SMYD3: variants seen among roughly 807,000 people sequenced by gnomAD.
SMYD3 encodes the protein SET and MYND domain containing 3.
In SMYD3, 36 loss-of-function variants were observed where a neutral mutation model predicts 57.7. That is an observed-to-expected ratio of 0.62 (90% CI 0.48 to 0.82). The LOEUF is 0.82. Ranked by LOEUF, SMYD3 falls within the 40% of genes least tolerant of loss-of-function variation. SMYD3 has a pLI of 0.00. For synonymous variants in SMYD3, 211 were observed against 195.0 expected, an observed-to-expected ratio of 1.08 and a Z score of -0.68; for missense variants, 515 against 538.8, an observed-to-expected ratio of 0.96 and a Z score of 0.44.
chr1:245,796,956 C>T (rs563302834), intron 10 of SMYD3, among the ~76,000 whole-genome samples: 61 of 152,270 alleles, frequency 4.0e-4, no homozygotes, highest in Admixed American at 2.7e-3. Flanking sequence ...GTGCAAAACA[C>T]CTATGAAATA....
At chr1:245,940,248 C>T (rs1484049280) in intron 5 of SMYD3, among the ~76,000 whole-genome samples, 1 of 152,170 alleles carries the variant, frequency 6.6e-6, no homozygotes, top group East Asian at 1.9e-4. Flanking sequence ...AGGGGAACTC[C>T]CCCCAGCGCA....
chr1:245,995,818 G>C (rs1206606450), intron 5 of SMYD3, among the ~76,000 whole-genome samples: 1 of 152,170 alleles, frequency 6.6e-6, no homozygotes, highest in Non-Finnish European at 1.5e-5. Flanking sequence ...GTGTGGCAAG[G>C]ATGCATCAGA....
Position 245,816,586 on chromosome 1 carries a change from C to A in SMYD3, c.1076+41910G>T, listed in dbSNP as rs2048816342. Among the ~76,000 whole-genome samples, 4 of 151,708 alleles carry A rather than the reference C, an allele frequency of 2.6e-5. No homozygotes were observed. The South Asian group carries it at 8.4e-4, about 32-fold the overall frequency. On this transcript the variant is annotated intron_variant, in intron 10 of 11. Transcript: ENST00000490107. Reference sequence around the variant, plus strand: ...AGGAACAGCTCCAGTCTACAGCTCCCAGCGTGAGTGACATAGAAGACGGTG... The same window carrying A: ...AGGAACAGCTCCAGTCTACAGCTCCAAGCGTGAGTGACATAGAAGACGGTG...
intron 1 of SMYD3, among the ~76,000 whole-genome samples, chr1:246,395,112 T>A (rs555650402): frequency 6.6e-6 from 1 of 152,328 alleles, no homozygotes; most frequent in South Asian, 2.1e-4. Context: ...GGCAATTCGG[T>A]CACTTGTTGG....
chr1:246,047,697 G>A (rs1465757311), intron 5 of SMYD3, among the ~76,000 whole-genome samples: 1 of 152,100 alleles, frequency 6.6e-6, no homozygotes, highest in South Asian at 2.1e-4. Flanking sequence ...AAATCAGCCA[G>A]GCATGGTGGT....
chr1:245,798,454 G>T (rs79478668), intron 10 of SMYD3, among the ~76,000 whole-genome samples: 1 of 4,906 alleles, frequency 2.0e-4, no homozygotes, highest in Admixed American at 1.6e-3. Context: ...ATAAAAATAT[G>T]CACACACATA....
chr1:245,938,375 C>A (rs1229689450), intron 5 of SMYD3, among the ~76,000 whole-genome samples: 10 of 152,164 alleles, frequency 6.6e-5, no homozygotes, highest in Non-Finnish European at 2.9e-5. Flanking sequence ...CATGCCTGAT[C>A]CCTGGATACA....
At chr1:246,186,988 G>A (rs1351079472) in intron 5 of SMYD3, 1 of 936,108 alleles carries the variant, frequency 1.1e-6, no homozygotes. Flanking sequence ...AGAAGAAATG[G>A]TCTGCTACAC....
intron 5 of SMYD3, among the ~76,000 whole-genome samples, chr1:246,014,059 T>G (rs2059332483): frequency 6.6e-6 from 1 of 152,352 alleles, no homozygotes; most frequent in Middle Eastern, 3.4e-3. Context: ...GCGTGGTGGC[T>G]CACGCCTGTA....
At chr1:246,180,406 G>T (rs2062523345) in intron 5 of SMYD3, among the ~76,000 whole-genome samples, 1 of 145,394 alleles carries the variant, frequency 6.9e-6, no homozygotes, top group African/African-American at 2.6e-5. Context: ...TTCCACTCAA[G>T]GTCATGAAGA....
intron 5 of SMYD3, among the ~76,000 whole-genome samples, chr1:246,153,934 T>C (rs558212014): frequency 2.0e-5 from 3 of 152,358 alleles, no homozygotes; most frequent in African/African-American, 7.2e-5. Flanking sequence ...TACTGTGACA[T>C]CATTAGGCAC....
chr1:246,162,744 G>A (rs767769671), intron 5 of SMYD3, among the ~76,000 whole-genome samples: 12 of 152,096 alleles, frequency 7.9e-5, no homozygotes, highest in Non-Finnish European at 1.5e-5. Flanking sequence ...AGAGACTAGT[G>A]GTATGGTCAG....
At chr1:245,954,130 G>C (rs937202367) in intron 5 of SMYD3, among the ~76,000 whole-genome samples, 1 of 152,134 alleles carries the variant, frequency 6.6e-6, no homozygotes, top group Non-Finnish European at 1.5e-5. Context: ...GCGTCCTAAG[G>C]GGTCAACACT....
At chr1:245,846,621 G>C (rs2050678258) in intron 10 of SMYD3, among the ~76,000 whole-genome samples, 1 of 152,226 alleles carries the variant, frequency 6.6e-6, no homozygotes, top group African/African-American at 2.4e-5. Context: ...GAGGACAAGA[G>C]AGGTTAACAT....
intron 5 of SMYD3, among the ~76,000 whole-genome samples, chr1:246,036,702 T>TGCC (rs2059780584): frequency 6.8e-6 from 1 of 146,324 alleles, no homozygotes; most frequent in Non-Finnish European, 1.5e-5. Flanking sequence ...TACAGGCGCC[T>TGCC]GCCACTAAGC....
At chr1:245,988,592 G>A (rs1297724511) in intron 5 of SMYD3, 1 of 152,230 alleles carries the variant, frequency 6.6e-6, no homozygotes, top group African/African-American at 2.4e-5. Context: ...TCCCACCATT[G>A]TCCCACCCAC....
intron 5 of SMYD3, among the ~76,000 whole-genome samples, chr1:246,318,477 G>A (rs542232984): frequency 1.8e-4 from 28 of 152,230 alleles, no homozygotes; most frequent in Non-Finnish European, 2.8e-4. Context: ...CCTTCAATCC[G>A]TCAAAAATTA....
chr1:246,121,466 A>G (rs2148026994), intron 5 of SMYD3, among the ~76,000 whole-genome samples: 1 of 142,584 alleles, frequency 7.0e-6, no homozygotes, highest in South Asian at 2.3e-4. Context: ...TTTCCTAATT[A>G]TTGTTCATTA....
chr1:246,149,228 TTTCTC>T (rs1558269330), intron 5 of SMYD3, among the ~76,000 whole-genome samples: 1 of 152,198 alleles, frequency 6.6e-6, no homozygotes, highest in Admixed American at 6.5e-5. Context: ...AAACCCTTCT[TTTCTC>T]TACGAAGAAA....
Sources: allele counts gnomAD v4.1 joint callset (sites outside exome capture counted in the v4.1 genomes callset), GRCh38; gene constraint gnomAD v4.1.1; transcripts MANE v1.5; gene names NCBI Gene and HGNC (gene_info 2026-07-23, HGNC 2026-07-21).